TMEM123: variants seen among roughly 807,000 people sequenced by gnomAD.
TMEM123 encodes the protein porimin.
Under a neutral mutation model 19.7 loss-of-function variants are expected in TMEM123, and 16 were observed. That is an observed-to-expected ratio of 0.81 (90% CI 0.55 to 1.23). The LOEUF is 1.23. Ranked by LOEUF, TMEM123 falls within the 50% of genes most tolerant of loss-of-function variation. The probability of loss-of-function intolerance (pLI) is 0.00; values close to 1 mark genes in which losing one functional copy is unlikely to be tolerated. For synonymous variants in TMEM123, 118 were observed against 99.4 expected (o/e 1.19, Z -1.12); for missense variants, 313 against 257.8 (o/e 1.21, Z -1.47).
At chr11:102,438,458 A>G (rs1233571858) in intron 2 of TMEM123, among the ~76,000 whole-genome samples, 1 of 152,206 alleles carries the variant, frequency 6.6e-6, no homozygotes, top group African/African-American at 2.4e-5. Flanking sequence ...GAACTTATTC[A>G]TCTTATTTAC....
intron 1 of TMEM123, 128 bp downstream of exon 1, chr11:102,452,396 T>A: frequency 2.5e-6 from 2 of 811,316 alleles, no homozygotes; most frequent in Non-Finnish European, 3.4e-6. Context: ...CGGTCACCTC[T>A]GGGTCCGCCC....
At chr11:102,452,258 GC>G in intron 1 of TMEM123, 2 of 363,804 alleles carry the variant, frequency 5.5e-6, no homozygotes, top group Non-Finnish European at 9.9e-6. Flanking sequence ...AACAGGTTAT[GC>G]GCACCCGTCC....
intron 2 of TMEM123, among the ~76,000 whole-genome samples, chr11:102,410,773 AC>A (rs1951997694): frequency 6.6e-6 from 1 of 151,998 alleles, no homozygotes; most frequent in African/African-American, 2.4e-5. Context: ...CACAGAAGAG[AC>A]GTGATCCTTA....
At chr11:102,408,592 A>G (rs1370358920) in intron 2 of TMEM123, among the ~76,000 whole-genome samples, 1 of 152,182 alleles carries the variant, frequency 6.6e-6, no homozygotes, top group Non-Finnish European at 1.5e-5. Context: ...AATCTGTGTT[A>G]AGTACTTCCC....
intron 1 of TMEM123, among the ~76,000 whole-genome samples, chr11:102,450,524 A>G (rs140907226): frequency 5.9e-5 from 9 of 152,346 alleles, no homozygotes; most frequent in African/African-American, 2.2e-4. Flanking sequence ...GCTGACTGTG[A>G]AGAATATTTT....
At chr11:102,401,504 T>G (rs1019184290) in intron 4 of TMEM123, 35 bp downstream of exon 4, 9 of 1,517,610 alleles carry the variant, frequency 5.9e-6, no homozygotes, top group African/African-American at 1.4e-5. Context: ...GCACCAACAA[T>G]TTTTTTTAAA....
At position 102,397,896 on chromosome 11, in the gene TMEM123, G is replaced by C. The variant is rs149416382; in HGVS notation, c.*971C>G. 6.6e-6 allele frequency: 1 copy of C among 152,070 alleles called. No individual in the cohort carries two copies. Among genetic ancestry groups the C allele is most frequent in the Non-Finnish European group, 1.5e-5 (1 of 68,008 alleles). The allele number at this position is 152,070 out of a possible 1,614,324, so 9.4% of individuals were successfully genotyped here. ...AAATGTTCTTTTGAAAATCATACAA[G>C]CGGTTCTTTTTCTTAAAGTTAGGTG... On this transcript the variant is annotated 3_prime_UTR_variant, in exon 5 of 5. Coordinates refer to ENST00000398136, the MANE Select transcript of TMEM123 (RefSeq NM_052932.3).
chr11:102,415,292 C>T lies in TMEM123; in HGVS notation c.158-13086G>A, dbSNP rs192906732. On this transcript the variant is annotated intron_variant, in intron 2 of 4. Transcript: ENST00000398136. ...ACAGATCACTGAAGCAGAAAACTAA[C>T]AAAGATATTTGGGACCTGAACTCAA... Among the ~76,000 whole-genome samples the T allele has an allele frequency of 3.3e-5, 5 of 152,284 alleles. No homozygotes were observed. The East Asian group carries it at 9.6e-4, about 29-fold the overall frequency.
chr11:102,425,215 A>G (rs1952116662), intron 2 of TMEM123, among the ~76,000 whole-genome samples: 1 of 152,170 alleles, frequency 6.6e-6, no homozygotes, highest in Admixed American at 6.5e-5. Flanking sequence ...TTTCATCTCT[A>G]AAATAGCTAA....
chr11:102,445,161 G>A (rs1206807555), intron 2 of TMEM123, among the ~76,000 whole-genome samples: 1 of 152,008 alleles, frequency 6.6e-6, no homozygotes, highest in African/African-American at 2.4e-5. Context: ...CCTAGAACTC[G>A]AAGTATAAAA....
In TMEM123 at chr11:102,398,830, CATCA is replaced by C. The variant is rs1264794621; in HGVS notation, c.*33_*36del. The stretch of plus-strand genomic sequence containing the variant: ...AAACCAAAATTAATTGATAGGGCAG[CATCA>C]ATCTGTATTCCATCCTTGGTCCATG... On this transcript the variant is annotated 3_prime_UTR_variant, in exon 5 of 5. Transcript: ENST00000398136. 2 of 1,602,360 alleles carry C rather than the reference CATCA, an allele frequency of 1.2e-6. No individual in the cohort carries two copies.
intron 2 of TMEM123, among the ~76,000 whole-genome samples, chr11:102,427,516 T>G (rs61895427): frequency 0.94 from 135,192 of 143,900 alleles, 63,555 homozygotes; most frequent in East Asian, 1. Context: ...TGGCACAATC[T>G]CAGCTCACTG....
intron 2 of TMEM123, among the ~76,000 whole-genome samples, chr11:102,409,444 G>A (rs1951983581): frequency 6.6e-6 from 1 of 151,960 alleles, no homozygotes; most frequent in Non-Finnish European, 1.5e-5. Flanking sequence ...TGCTTAGAAA[G>A]CAAAGAGGCC....
chr11:102,413,340 C>T (rs1952019638), intron 2 of TMEM123, among the ~76,000 whole-genome samples: 1 of 152,148 alleles, frequency 6.6e-6, no homozygotes, highest in Non-Finnish European at 1.5e-5. Context: ...GAGATGGTTC[C>T]TCTAGCTAGA....
chr11:102,444,179 C>T (rs772288281), intron 2 of TMEM123, among the ~76,000 whole-genome samples: 13 of 152,174 alleles, frequency 8.5e-5, no homozygotes, highest in Non-Finnish European at 1.6e-4. Context: ...CCATTTGACC[C>T]GGCCATCCCA....
rs368542693 is a variant in TMEM123 at position 102,402,144 on chromosome 11, G to C, written c.220C>G (p.Pro74Ala). Reference protein sequence around the residue: ...NETSNSTVKPPTSVASDSSNT... With the variant: ...NETSNSTVKPATSVASDSSNT... ...CTGGAGTCTGAGGCAACTGAAGTTG[G>C]TGGTTTCACAGTACTGTTGGAAGTT... The change falls in exon 3 of 5, where the codon CCA becomes GCA. Residue 74 changes from proline to alanine, a missense_variant. Transcript: ENST00000398136. The C allele has an allele frequency of 2.8e-5, 46 of 1,614,038 alleles. No homozygotes were observed. In the East Asian group the frequency reaches 3.8e-4, roughly 13 times the overall value.
rs1053638948 is a variant in TMEM123, at chr11:102,448,962, G to C, written c.101-94C>G. ...TCTGCCTAGCGGGAGTAGGGGTAGT[G>C]GTGTCAGGAGGGTAGATTATTCCAC... On this transcript the variant is annotated intron_variant, in intron 1 of 4. Coordinates refer to ENST00000398136, the MANE Select transcript of TMEM123 (RefSeq NM_052932.3). 2.7e-5 allele frequency: 32 copies of C among 1,192,494 alleles called. No homozygotes were observed. The South Asian group carries it at 3.7e-4, about 14-fold the overall frequency. The allele number at this position is 1,192,494 out of a possible 1,614,324, so 73.9% of individuals were successfully genotyped here.
At chr11:102,430,576 G>A (rs957074941) in intron 2 of TMEM123, among the ~76,000 whole-genome samples, 1 of 152,228 alleles carries the variant, frequency 6.6e-6, no homozygotes, top group Non-Finnish European at 1.5e-5. Context: ...GAAAGGAAGA[G>A]CTCTTCAGGT....
chr11:102,443,353 G>C (rs188211627), intron 2 of TMEM123, among the ~76,000 whole-genome samples: 24 of 152,092 alleles, frequency 1.6e-4, no homozygotes, highest in Admixed American at 1.6e-3. Context: ...CAGAGATATA[G>C]ACCAATGGAA....
Sources: allele counts gnomAD v4.1 joint callset (sites outside exome capture counted in the v4.1 genomes callset), GRCh38; gene constraint gnomAD v4.1.1; transcripts MANE v1.5; gene names NCBI Gene and HGNC (gene_info 2026-07-23, HGNC 2026-07-21).